Variants in DNAH2 observed in about 807,000 individuals in gnomAD.
DNAH2 encodes the protein axonemal beta dynein heavy chain 2.
Under a neutral mutation model 523.5 loss-of-function variants are expected in DNAH2, and 323 were observed. That is an observed-to-expected ratio of 0.62 (90% confidence interval 0.56 to 0.68). The LOEUF (loss-of-function observed/expected upper bound fraction) is 0.68, where lower values mean the gene tolerates loss of function less well. Ranked by LOEUF, DNAH2 falls within the 30% of genes least tolerant of loss-of-function variation. The pLI, the probability that DNAH2 is intolerant of heterozygous loss-of-function variation, is 0.00. For missense variants in DNAH2, 4,907 were observed against 5,701.5 expected (o/e 0.86, Z 4.49); for synonymous variants, 2,093 against 2,177.4 (o/e 0.96, Z 1.08).
intron 4 of DNAH2, among the ~76,000 whole-genome samples, chr17:7,728,119 T>G (rs778180028): frequency 1.3e-5 from 2 of 152,196 alleles, no homozygotes; most frequent in Non-Finnish European, 2.9e-5. Flanking sequence ...GCTATTGAAG[T>G]CTTTTATAGT....
intron 58 of DNAH2, 132 bp downstream of exon 58, chr17:7,802,149 G>T (rs1597712761): frequency 7.9e-7 from 1 of 1,272,092 alleles, no homozygotes; most frequent in East Asian, 2.5e-5. Context: ...TGGGAAGAGG[G>T]AGTTGGGGCT....
At chr17:7,810,086 C>T (rs991140066) in intron 63 of DNAH2, among the ~76,000 whole-genome samples, 2 of 136,604 alleles carry the variant, frequency 1.5e-5, no homozygotes, top group East Asian at 2.1e-4. Flanking sequence ...TTTTTTGAGA[C>T]AGGATCTCAC....
chr17:7,815,491 CATACAGGATCACACACACAT>C (rs928178898), intron 63 of DNAH2, among the ~76,000 whole-genome samples: 3 of 152,140 alleles, frequency 2.0e-5, no homozygotes, highest in Admixed American at 6.5e-5. Context: ...GTCAGATATA[CATACAGGATCACACACACAT>C]ATACAGGATC....
In DNAH2 at chr17:7,831,760, TC is replaced by T; in HGVS notation, c.12713del (p.Pro4238ArgfsTer38). The T allele has an allele frequency of 3.7e-6, 6 of 1,613,968 alleles. No homozygotes were observed. The highest frequency in any genetic ancestry group is 5.1e-6 in the Non-Finnish European group (6 of 1,179,892). ...ATTGCATCTTTGATGCCCATGTTCC[TC>T]CGCTCTGGGGAAAGGCAAGATTATA... ...FNCIFDAHVPPLWGKAYPSQK... is the reference protein window; with the variant it reads ...FNCIFDAHVPXLWGKAYPSQK... On this transcript the variant is annotated frameshift_variant, in exon 82 of 86. Coordinates refer to ENST00000572933, the MANE Select transcript of DNAH2 (RefSeq NM_020877.5). LOFTEE classifies it high-confidence loss of function. This position sits in a 1 kb window ranked among gnomAD's most constrained non-coding sequence, Gnocchi z 4.2.
At position 7,833,019 on chromosome 17, in the gene DNAH2, C is replaced by T. The variant is rs1005757210; in HGVS notation, c.12979-52C>T. 29 of 1,612,806 alleles carry T rather than the reference C, an allele frequency of 1.8e-5. 1 individual carries two copies. In the Middle Eastern group the frequency reaches 1.3e-3, roughly 73 times the overall value. On this transcript the variant is annotated intron_variant, in intron 84 of 85. Transcript: ENST00000572933. ...GAGGAGAGAGGGAGCAGGTCAGGGG[C>T]GCTGGCAATTGAAGTCTAGCTTCTC...
At chr17:7,793,287 T>C in intron 48 of DNAH2, 82 bp downstream of exon 48, 1 of 1,411,758 alleles carries the variant, frequency 7.1e-7, no homozygotes, top group East Asian at 2.3e-5. Context: ...GGCCCCAGGC[T>C]ATGGTCCTGT....
At chr17:7,768,331 C>G (rs552695664) in intron 24 of DNAH2, 64 bp downstream of exon 24, 1 of 1,525,104 alleles carries the variant, frequency 6.6e-7, no homozygotes, top group South Asian at 1.1e-5. Flanking sequence ...ACCACTTGGT[C>G]CCTCCCATTC....
At chr17:7,758,847 C>T in intron 14 of DNAH2, 38 bp from the exon 15 acceptor site, 9 of 1,609,268 alleles carry the variant, frequency 5.6e-6, no homozygotes, top group Non-Finnish European at 7.6e-6. Context: ...TGGTCTCTTC[C>T]CGAGCTGAAA....
chr17:7,819,595 G>A (rs1471514379), intron 72 of DNAH2, among the ~76,000 whole-genome samples, 187 bp downstream of exon 72: 5 of 152,224 alleles, frequency 3.3e-5, no homozygotes, highest in Admixed American at 6.5e-5. Flanking sequence ...TCCCTGTCTT[G>A]TGTCTGTAGC....
chr17:7,766,640 C>CGTT (rs2076175979), intron 22 of DNAH2, among the ~76,000 whole-genome samples, 159 bp downstream of exon 22: 1 of 84,430 alleles, frequency 1.2e-5, no homozygotes, highest in Non-Finnish European at 2.3e-5. Flanking sequence ...AAAATTAATC[C>CGTT]TTTTTTTTTT....
At position 7,774,656 on chromosome 17, in the gene DNAH2, G is replaced by A. The variant is rs565712418; in HGVS notation, c.4502-103G>A. ...TCCAGAAACCCTCATGGCAGTCTGTGCCCCACTGTTCAAGAGCTGGCAAAG... is the reference window on the plus strand; with the variant it reads ...TCCAGAAACCCTCATGGCAGTCTGTACCCCACTGTTCAAGAGCTGGCAAAG... On this transcript the variant is annotated intron_variant, in intron 28 of 85. Coordinates refer to ENST00000572933, the MANE Select transcript of DNAH2 (RefSeq NM_020877.5). 2.6e-5 allele frequency: 25 copies of A among 979,572 alleles called. No individual in the cohort carries two copies. In the African/African-American group the frequency reaches 3.9e-4, roughly 15 times the overall value. The allele number at this position is 979,572 out of a possible 1,614,324, so 60.7% of individuals were successfully genotyped here.
chr17:7,760,316 A>G lies in DNAH2; in HGVS notation c.2785+378A>G, dbSNP rs992230695. Among the ~76,000 whole-genome samples, 3 of 151,778 alleles carry G rather than the reference A, an allele frequency of 2.0e-5. No homozygotes were observed. Among genetic ancestry groups the G allele is most frequent in the African/African-American group, 7.3e-5 (3 of 41,312 alleles). Reference sequence around the variant, plus strand: ...GCGGAGGTTGCAGTGAGCGGAGATCATGCCACTGCATTCCAGCCTGGGTGA... The same window carrying G: ...GCGGAGGTTGCAGTGAGCGGAGATCGTGCCACTGCATTCCAGCCTGGGTGA... On this transcript the variant is annotated intron_variant, in intron 17 of 85. Coordinates refer to ENST00000572933, the MANE Select transcript of DNAH2 (RefSeq NM_020877.5). This position sits in a 1 kb window ranked among gnomAD's most constrained non-coding sequence, Gnocchi z 4.0.
chr17:7,749,998 A>G (rs1403627987), intron 12 of DNAH2, among the ~76,000 whole-genome samples: 1 of 152,128 alleles, frequency 6.6e-6, no homozygotes, highest in Admixed American at 6.6e-5. Flanking sequence ...CTCTGTCTCA[A>G]AAAAAGAAAA....
At chr17:7,720,876 A>G (rs1207605184) in intron 2 of DNAH2, among the ~76,000 whole-genome samples, 1 of 151,964 alleles carries the variant, frequency 6.6e-6, no homozygotes, top group Admixed American at 6.6e-5. Flanking sequence ...GATGGGAGGG[A>G]AGACAGTGAG....
At chr17:7,813,832 C>G (rs1254783560) in intron 63 of DNAH2, among the ~76,000 whole-genome samples, 1 of 151,256 alleles carries the variant, frequency 6.6e-6, no homozygotes, top group Non-Finnish European at 1.5e-5. Context: ...CGCTTGAACC[C>G]AGGAGGTGGA....
At position 7,759,527 on chromosome 17, in the gene DNAH2, A is replaced by T; in HGVS notation, c.2554A>T (p.Asn852Tyr). Residue 852 changes from asparagine to tyrosine, a missense_variant, in exon 16 of 86, where the codon AAC becomes TAC. Physicochemically the swap from Asn to Tyr is moderately radical, Grantham distance 143. Transcript: ENST00000572933. ...WSLLELSKAI[N>Y]GDGKTSPNPL... ...ACTGCTAGAACTATCCAAGGCTATC[A>T]ACGGGGATGGAAAGACCAGCCCAAA... 1 of 1,614,212 alleles carries T rather than the reference A, an allele frequency of 6.2e-7. No individual in the cohort carries two copies. Among genetic ancestry groups the T allele is most frequent in the Non-Finnish European group, 8.5e-7 (1 of 1,180,046 alleles).
chr17:7,766,291 C>T (rs2076164818), intron 21 of DNAH2, 27 bp from the exon 22 acceptor site: 1 of 1,603,542 alleles, frequency 6.2e-7, no homozygotes. Context: ...GAGCGGGAAG[C>T]TGAGCTTCAT....
chr17:7,748,423 C>T (rs1258445949), intron 12 of DNAH2, among the ~76,000 whole-genome samples: 5 of 152,194 alleles, frequency 3.3e-5, no homozygotes, highest in African/African-American at 4.8e-5. Flanking sequence ...TTCCTTTCTA[C>T]CTCTACTGCC....
At chr17:7,811,140 T>C (rs956374733) in intron 63 of DNAH2, among the ~76,000 whole-genome samples, 1 of 152,198 alleles carries the variant, frequency 6.6e-6, no homozygotes, top group Non-Finnish European at 1.5e-5. Context: ...AGGTTGAACA[T>C]TCAGATTTTT....
Sources: allele counts gnomAD v4.1 joint callset (sites outside exome capture counted in the v4.1 genomes callset), GRCh38; gene constraint gnomAD v4.1.1; non-coding constraint Gnocchi (gnomAD v3.1); transcripts MANE v1.5; gene names NCBI Gene and HGNC (gene_info 2026-07-23, HGNC 2026-07-21).